The following FCHSD2 variants were observed in gnomAD, a reference collection of about 807,000 sequenced individuals.
FCHSD2 encodes FCH and double SH3 domains 2, also known as F-BAR and double SH3 domains protein 2.
Under a neutral mutation model 108.1 loss-of-function variants are expected in FCHSD2, and 38 were observed. That is an observed-to-expected ratio of 0.35 (90% CI 0.27 to 0.46). The LOEUF (loss-of-function observed/expected upper bound fraction) is 0.46, where lower values mean the gene tolerates loss of function less well. FCHSD2 is among the 20% of genes least tolerant of loss of function. The probability of loss-of-function intolerance (pLI) is 1.00; values close to 1 mark genes in which losing one functional copy is unlikely to be tolerated. For missense variants in FCHSD2, 751 were observed against 897.8 expected, an observed-to-expected ratio of 0.84 and a Z score of 2.09; for synonymous variants, 279 against 314.7, an observed-to-expected ratio of 0.89 and a Z score of 1.20.
chr11:72,935,173 T>C (rs1020096862), intron 8 of FCHSD2, among the ~76,000 whole-genome samples: 2 of 152,160 alleles, frequency 1.3e-5, no homozygotes, highest in African/African-American at 2.4e-5. Flanking sequence ...CCACTGAACA[T>C]TTACTTACAG....
chr11:73,124,430 AAGAG>A (rs1344977414), intron 2 of FCHSD2, among the ~76,000 whole-genome samples: 2 of 152,150 alleles, frequency 1.3e-5, no homozygotes, highest in Non-Finnish European at 2.9e-5. Flanking sequence ...TTAAAAAAAG[AAGAG>A]AGAGAATGGG....
intron 5 of FCHSD2, among the ~76,000 whole-genome samples, chr11:72,997,807 C>A (rs998937244): frequency 6.6e-6 from 1 of 152,160 alleles, no homozygotes; most frequent in African/African-American, 2.4e-5. Flanking sequence ...CTCAAGTGAT[C>A]CTCCTGCCTC....
At chr11:73,049,302 G>A (rs1312860971) in intron 3 of FCHSD2, among the ~76,000 whole-genome samples, 1 of 151,998 alleles carries the variant, frequency 6.6e-6, no homozygotes, top group East Asian at 1.9e-4. Flanking sequence ...GACAGAAACT[G>A]TCTCATACCC....
chr11:72,987,521 A>G (rs1157297283), intron 6 of FCHSD2, among the ~76,000 whole-genome samples: 2 of 152,318 alleles, frequency 1.3e-5, no homozygotes, highest in South Asian at 4.1e-4. Flanking sequence ...GTATTCAACA[A>G]ACTGCGAATA....
At chr11:73,058,905 T>C (rs1395668981) in intron 3 of FCHSD2, among the ~76,000 whole-genome samples, 1 of 152,160 alleles carries the variant, frequency 6.6e-6, no homozygotes, top group East Asian at 1.9e-4. Flanking sequence ...TTTTACATCT[T>C]TTTTGGATCA....
At chr11:73,137,810 A>T (rs1174259338) in intron 2 of FCHSD2, among the ~76,000 whole-genome samples, 1 of 152,168 alleles carries the variant, frequency 6.6e-6, no homozygotes, top group Non-Finnish European at 1.5e-5. Flanking sequence ...GAGCAGGGGG[A>T]AGAAAGAGGA....
At chr11:73,089,621 G>T (rs1018360682) in intron 2 of FCHSD2, among the ~76,000 whole-genome samples, 57 of 152,144 alleles carry the variant, frequency 3.7e-4, no homozygotes, top group African/African-American at 1.3e-3. Flanking sequence ...ATGAAGTACT[G>T]ATACATGCTA....
At chr11:73,036,490 T>G (rs1858501147) in intron 3 of FCHSD2, among the ~76,000 whole-genome samples, 1 of 152,192 alleles carries the variant, frequency 6.6e-6, no homozygotes, top group Non-Finnish European at 1.5e-5. Context: ...TTTAGTTTCC[T>G]CAACTGTAAA....
intron 4 of FCHSD2, among the ~76,000 whole-genome samples, chr11:73,008,658 C>T (rs888918180): frequency 2.0e-5 from 3 of 151,990 alleles, no homozygotes; most frequent in African/African-American, 7.2e-5. Flanking sequence ...TTTTGAATAT[C>T]ATGAAAAGAA....
intron 8 of FCHSD2, among the ~76,000 whole-genome samples, chr11:72,979,735 T>G (rs965456302): frequency 6.6e-6 from 1 of 152,156 alleles, no homozygotes; most frequent in African/African-American, 2.4e-5. Context: ...GAGGATGTGC[T>G]CTACCAAAGG....
At chr11:72,856,950 TCAAAA>T (rs1481637205) in intron 13 of FCHSD2, among the ~76,000 whole-genome samples, 1 of 152,112 alleles carries the variant, frequency 6.6e-6, no homozygotes, top group African/African-American at 2.4e-5. Flanking sequence ...ATTACAAAAA[TCAAAA>T]CAAAACACAA....
intron 3 of FCHSD2, among the ~76,000 whole-genome samples, chr11:73,050,919 T>C (rs1262670807): frequency 6.6e-6 from 1 of 152,218 alleles, no homozygotes; most frequent in East Asian, 1.9e-4. Context: ...CCTCCAACTG[T>C]TTGTTACTGA....
In FCHSD2 at chr11:72,982,005, C is replaced by T. The variant is rs190717521; in HGVS notation, c.705+2083G>A. On this transcript the variant is annotated intron_variant, in intron 8 of 19. Coordinates refer to ENST00000409418, the MANE Select transcript of FCHSD2 (RefSeq NM_014824.3). The stretch of plus-strand genomic sequence containing the variant: ...TCAAAAACTATATATACTAAAACAC[C>T]TAAACCTCTAGGTCTAATACTTTAT... Among the ~76,000 whole-genome samples, 33 of 152,246 alleles carry T rather than the reference C, an allele frequency of 2.2e-4. No homozygotes were observed. The East Asian group carries it at 4.4e-3, about 20-fold the overall frequency.
chr11:72,906,714 A>C (rs1196995108), intron 9 of FCHSD2, among the ~76,000 whole-genome samples: 1 of 152,108 alleles, frequency 6.6e-6, no homozygotes, highest in Non-Finnish European at 1.5e-5. Flanking sequence ...TGTCAGGTTT[A>C]TCAAAGATCA....
intron 11 of FCHSD2, among the ~76,000 whole-genome samples, chr11:72,888,725 T>A (rs1855251016): frequency 6.6e-6 from 1 of 151,598 alleles, no homozygotes; most frequent in South Asian, 2.1e-4. Flanking sequence ...CTCAAGCAAT[T>A]CTCCCCAACC....
chr11:72,987,045 C>T (rs889954932), intron 6 of FCHSD2, among the ~76,000 whole-genome samples: 1 of 152,172 alleles, frequency 6.6e-6, no homozygotes. Context: ...ACCTTCCAAA[C>T]ATATTCACCC....
chr11:72,986,311 G>A (rs1857310725), intron 6 of FCHSD2, among the ~76,000 whole-genome samples: 1 of 152,276 alleles, frequency 6.6e-6, no homozygotes, highest in Middle Eastern at 3.4e-3. Context: ...CTGGGTTCAT[G>A]CCATTCTCCT....
Position 73,050,532 on chromosome 11 carries a change from G to A in FCHSD2, c.165+33163C>T, listed in dbSNP as rs369077477. 2.2e-4 allele frequency among the ~76,000 whole-genome samples: 33 copies of A among 152,130 alleles called. 1 individual carries two copies. In the South Asian group the frequency reaches 6.9e-3, roughly 32 times the overall value. The stretch of plus-strand genomic sequence containing the variant: ...AAGGCTCTTAAATAGTTCCTTTCGT[G>A]GGACAACATTGGAGTAATCAGAAAA... On this transcript the variant is annotated intron_variant, in intron 3 of 19. Coordinates refer to ENST00000409418, the MANE Select transcript of FCHSD2 (RefSeq NM_014824.3).
At chr11:73,137,255 T>C (rs1861140512) in intron 2 of FCHSD2, among the ~76,000 whole-genome samples, 1 of 152,096 alleles carries the variant, frequency 6.6e-6, no homozygotes, top group African/African-American at 2.4e-5. Context: ...TACGGTATCC[T>C]ATTTACAACT....
Sources: gnomAD v4.1 joint callset for allele counts (sites outside exome capture counted in the v4.1 genomes callset) on GRCh38, gnomAD v4.1.1 for gene constraint, MANE v1.5 for transcripts, NCBI Gene and HGNC (gene_info 2026-07-23, HGNC 2026-07-21) for gene names.